Variants in CSE1L observed in about 807,000 individuals in gnomAD.
CSE1L encodes chromosome segregation 1 like.
In CSE1L, 24 loss-of-function variants were observed where a neutral mutation model predicts 120.4. The ratio of observed to expected loss-of-function variants is 0.20; its 90% CI spans 0.14 to 0.28. CSE1L has a LOEUF of 0.28. CSE1L is among the 10% of genes least tolerant of loss of function. The pLI is 1.00. For synonymous variants in CSE1L, 402 were observed against 398.3 expected (o/e 1.01, Z -0.11); for missense variants, 830 against 1,145.2 (o/e 0.72, Z 3.97).
chr20:49,066,959 G>A (rs777894389), intron 5 of CSE1L, among the ~76,000 whole-genome samples: 17 of 148,838 alleles, frequency 1.1e-4, no homozygotes, highest in Non-Finnish European at 2.2e-4. Flanking sequence ...TTGAGCCTGG[G>A]AGGTGGAGGC....
intron 21 of CSE1L, 57 bp downstream of exon 21, chr20:49,091,079 C>T: frequency 3.5e-6 from 4 of 1,158,624 alleles, no homozygotes; most frequent in South Asian, 1.3e-5. Context: ...AGCTAAAACC[C>T]TTAGACTTTA....
rs1356583002 is a variant in CSE1L at position 49,053,171 on chromosome 20, T to TTA, written c.-11-5282_-11-5281insTA. ...TCTTTTTTTTTTTTTTTTTTTTTTTTAAAGACAAAATAGATCTGTAAATCT... is the reference window on the plus strand; with the variant it reads ...TCTTTTTTTTTTTTTTTTTTTTTTTTTAAAAGACAAAATAGATCTGTAAATCT... On this transcript the variant is annotated intron_variant, in intron 1 of 24. Coordinates refer to ENST00000262982, the MANE Select transcript of CSE1L (RefSeq NM_001316.4). Among the ~76,000 whole-genome samples the TTA allele has an allele frequency of 2.2e-3, 279 of 129,534 alleles. 2 individuals carry two copies. The highest frequency in any genetic ancestry group is 8.1e-3 in the African/African-American group (270 of 33,528). The allele number at this position is 129,534 out of a possible 152,430, so 85.0% of individuals were successfully genotyped here. A position where few individuals can be genotyped will look rare whatever the true frequency, so the allele number is the denominator to read the frequency against.
rs560447057 is a variant in CSE1L, at chr20:49,076,040, C to G, written c.1335+520C>G. Among the ~76,000 whole-genome samples, 6 of 152,288 alleles carry G rather than the reference C, an allele frequency of 3.9e-5. No homozygotes were observed. In the East Asian group the frequency reaches 1.2e-3, roughly 29 times the overall value. On this transcript the variant is annotated intron_variant, in intron 12 of 24. Transcript: ENST00000262982. ...AGAGACAAGGTTTCACCATATTGGT[C>G]AGGATGGTCTCAAATTCCTGACCTC... is the stretch of plus-strand genomic sequence containing the variant.
At chr20:49,067,107 C>T (rs2091898797) in intron 5 of CSE1L, 83 bp from the exon 6 acceptor site, 1 of 645,506 alleles carries the variant, frequency 1.5e-6, no homozygotes, top group African/African-American at 1.9e-5. Flanking sequence ...TCATAGATGT[C>T]CAATCAGCAT....
chr20:49,058,429 T>G (rs747487456), intron 1 of CSE1L, 24 bp from the exon 2 acceptor site: 1 of 1,528,102 alleles, frequency 6.5e-7, no homozygotes, highest in Non-Finnish European at 9.0e-7. Flanking sequence ...TGACCAGTTA[T>G]CCAAACCTTA....
chr20:49,074,781 G>A lies in CSE1L; in HGVS notation c.1067-4G>A, dbSNP rs2091958383. On this transcript the variant is annotated splice_region_variant and splice_polypyrimidine_tract_variant and intron_variant, in intron 10 of 24. Coordinates refer to ENST00000262982, the MANE Select transcript of CSE1L (RefSeq NM_001316.4). ...GTTATCTGAAATATCATCTCTCCTT[G>A]TAGCTGCTGATGAAGAAGCATTTGA... 6.2e-7 allele frequency: 1 copy of A among 1,611,126 alleles called. No individual in the cohort carries two copies. Among genetic ancestry groups the A allele is most frequent in the Non-Finnish European group, 8.5e-7 (1 of 1,178,460 alleles).
chr20:49,094,672 G>A, intron 23 of CSE1L, 60 bp from the exon 24 acceptor site: 2 of 1,191,292 alleles, frequency 1.7e-6, no homozygotes, highest in Non-Finnish European at 2.5e-6. Context: ...AGCAATTGCT[G>A]GTTTTAAGTC....
At chr20:49,080,795 A>G (rs1411840450) in intron 14 of CSE1L, among the ~76,000 whole-genome samples, 3 of 152,052 alleles carry the variant, frequency 2.0e-5, no homozygotes, top group African/African-American at 4.8e-5. Context: ...TATTTTTGAG[A>G]CAAAGTCTTA....
rs767053220 is a variant in CSE1L, at chr20:49,092,137, T to C, written c.2447+10T>C. ...ATGGTATACAACCAAAGTAAGTTTG[T>C]TTTTATTATTTTTTAAAGGAAGAAA... On this transcript the variant is annotated intron_variant, in intron 22 of 24. Coordinates refer to ENST00000262982, the MANE Select transcript of CSE1L (RefSeq NM_001316.4). The C allele has an allele frequency of 4.2e-6, 6 of 1,444,000 alleles. No individual in the cohort carries two copies. Among genetic ancestry groups the C allele is most frequent in the Non-Finnish European group, 5.7e-6 (6 of 1,048,164 alleles). 89.4% of individuals were successfully genotyped at this position (1,444,000 alleles called of 1,614,324 possible).
At chr20:49,092,172 CTTTTT>C (rs200977425) in intron 22 of CSE1L, 45 bp downstream of exon 22, 2 of 1,097,228 alleles carry the variant, frequency 1.8e-6, no homozygotes, top group African/African-American at 1.6e-5. Context: ...AATGTTTTGA[CTTTTT>C]TTTTAGTACA....
rs147474671 is a variant in CSE1L at position 49,096,651 on chromosome 20, C to T, written c.*213C>T. 428 of 584,620 alleles carry T rather than the reference C, an allele frequency of 7.3e-4. 1 individual carries two copies. The highest frequency in any genetic ancestry group is 7.3e-3 in the African/African-American group (389 of 53,620). 36.2% of individuals were successfully genotyped at this position (584,620 alleles called of 1,614,324 possible). Reference sequence around the variant, plus strand: ...TATGTGGGTGGCTTCTAGTTTGCAACTTCAAGGGACAAGTATTAATAGTTC... The same window carrying T: ...TATGTGGGTGGCTTCTAGTTTGCAATTTCAAGGGACAAGTATTAATAGTTC... On this transcript the variant is annotated 3_prime_UTR_variant, in exon 25 of 25. Transcript: ENST00000262982.
At chr20:49,061,744 C>G (rs183657834) in intron 2 of CSE1L, among the ~76,000 whole-genome samples, 1 of 151,646 alleles carries the variant, frequency 6.6e-6, no homozygotes, top group Non-Finnish European at 1.5e-5. Flanking sequence ...ACCTTGTGAT[C>G]CACTCGTCTC....
intron 13 of CSE1L, 25 bp from the exon 14 acceptor site, chr20:49,078,536 T>C (rs780677707): frequency 2.0e-6 from 3 of 1,513,728 alleles, no homozygotes; most frequent in Non-Finnish European, 2.7e-6. Context: ...CTTAAGTAAC[T>C]GTGGCTTTCT....
intron 6 of CSE1L, 149 bp downstream of exon 6, chr20:49,067,429 A>G (rs893835451): frequency 5.7e-6 from 3 of 526,992 alleles, no homozygotes; most frequent in Non-Finnish European, 9.9e-6. Flanking sequence ...ACACAGAAAT[A>G]GAGATGCTAT....
At chr20:49,087,502 C>T (rs6125540) in intron 16 of CSE1L, among the ~76,000 whole-genome samples, 61,789 of 151,500 alleles carry the variant, frequency 0.41, 12,679 homozygotes, top group Middle Eastern at 0.52. Flanking sequence ...GGACTACAGA[C>T]GTGCACCACA....
At chr20:49,047,592 TGAGA>T (rs1193997836) in intron 1 of CSE1L, among the ~76,000 whole-genome samples, 73 of 114,956 alleles carry the variant, frequency 6.4e-4, no homozygotes, top group African/African-American at 1.9e-3. Flanking sequence ...TTTTTTTTTT[TGAGA>T]GAGAGAGTCT....
At chr20:49,076,937 C>T (rs1238631736) in intron 12 of CSE1L, 43 bp from the exon 13 acceptor site, 2 of 1,251,586 alleles carry the variant, frequency 1.6e-6, no homozygotes, top group Non-Finnish European at 2.3e-6. Flanking sequence ...TAGATATATA[C>T]AGGTATTTTG....
Position 49,074,797 on chromosome 20 carries a change from A to C in CSE1L, c.1079A>C (p.Glu360Ala). 1.9e-6 allele frequency: 3 copies of C among 1,612,532 alleles called. No homozygotes were observed. The highest frequency in any genetic ancestry group is 2.5e-6 in the Non-Finnish European group (3 of 1,179,356). ...TCTCTCCTTGTAGCTGCTGATGAAGAAGCATTTGAAGATAATTCTGAGGAG... is the reference window on the plus strand; with the variant it reads ...TCTCTCCTTGTAGCTGCTGATGAAGCAGCATTTGAAGATAATTCTGAGGAG... Reference protein sequence around the residue: ...PNMEFRAADEEAFEDNSEEYI... With the variant: ...PNMEFRAADEAAFEDNSEEYI... Residue 360 changes from glutamate (E) to alanine (A), a missense_variant, in exon 11 of 25, where the codon GAA becomes GCA. By Grantham distance (107) the Glu-to-Ala change is moderately radical. Coordinates refer to ENST00000262982, the MANE Select transcript of CSE1L (RefSeq NM_001316.4).
intron 14 of CSE1L, among the ~76,000 whole-genome samples, chr20:49,080,250 T>G (rs989970805): frequency 1.3e-5 from 2 of 150,478 alleles, no homozygotes; most frequent in African/African-American, 4.9e-5. Context: ...CTGGTTGTTT[T>G]GTTTTTTTTT....
Sources: gnomAD v4.1 joint callset for allele counts (sites outside exome capture counted in the v4.1 genomes callset) on GRCh38, gnomAD v4.1.1 for gene constraint, MANE v1.5 for transcripts, NCBI Gene and HGNC (gene_info 2026-07-23, HGNC 2026-07-21) for gene names.